The following PCDH17 variants were observed in gnomAD, a reference collection of about 807,000 sequenced individuals.
PCDH17 encodes protocadherin-17.
Under a neutral mutation model 67.7 loss-of-function variants are expected in PCDH17, and 21 were observed. That is an observed-to-expected ratio of 0.31 (90% CI 0.22 to 0.45). The LOEUF (loss-of-function observed/expected upper bound fraction) is 0.45, where lower values mean the gene tolerates loss of function less well. Ranked by LOEUF, PCDH17 falls within the 20% of genes least tolerant of loss-of-function variation. PCDH17 has a pLI of 1.00. For missense variants in PCDH17, 1,471 were observed against 1,564.8 expected (o/e 0.94, Z 1.01); for synonymous variants, 701 against 656.7 (o/e 1.07, Z -1.03).
At chr13:57,722,524 A>C (rs537234322) in intron 3 of PCDH17, among the ~76,000 whole-genome samples, 89 of 152,326 alleles carry the variant, frequency 5.8e-4, no homozygotes, top group Non-Finnish European at 9.1e-4. Context: ...ATATAAATAA[A>C]GGTAATATTT....
intron 3 of PCDH17, among the ~76,000 whole-genome samples, chr13:57,678,392 G>A (rs1450581183): frequency 6.6e-6 from 1 of 151,358 alleles, no homozygotes; most frequent in Admixed American, 6.6e-5. Context: ...CCAGTTAGGA[G>A]GAAATATGGA....
intron 3 of PCDH17, among the ~76,000 whole-genome samples, chr13:57,720,738 T>C (rs1044979704): frequency 6.6e-6 from 1 of 152,052 alleles, no homozygotes; most frequent in African/African-American, 2.4e-5. Flanking sequence ...CTGTATACAA[T>C]ATGAATATGT....
intron 3 of PCDH17, among the ~76,000 whole-genome samples, chr13:57,692,145 A>G (rs1254356088): frequency 6.6e-6 from 1 of 151,164 alleles, no homozygotes; most frequent in East Asian, 1.9e-4. Flanking sequence ...CTGGTATCCA[A>G]ACAGTGATAT....
chr13:57,707,834 ATGTGAC>A (rs1399020603), intron 3 of PCDH17, among the ~76,000 whole-genome samples: 4 of 151,978 alleles, frequency 2.6e-5, no homozygotes, highest in Non-Finnish European at 5.9e-5. Context: ...TGTTCTCCCT[ATGTGAC>A]TGTCTCTGTG....
chr13:57,685,240 A>G (rs1955494685), intron 3 of PCDH17, among the ~76,000 whole-genome samples: 1 of 151,994 alleles, frequency 6.6e-6, no homozygotes, highest in South Asian at 2.1e-4. Context: ...GTAAATTCTT[A>G]TAATTGTCTT....
At chr13:57,713,001 T>C (rs970282934) in intron 3 of PCDH17, among the ~76,000 whole-genome samples, 2 of 151,616 alleles carry the variant, frequency 1.3e-5, no homozygotes, top group Non-Finnish European at 3.0e-5. Flanking sequence ...TACTGCATGA[T>C]GCATGGTAAC....
At chr13:57,674,243 C>G (rs1023629416) in intron 3 of PCDH17, among the ~76,000 whole-genome samples, 1 of 151,932 alleles carries the variant, frequency 6.6e-6, no homozygotes, top group Non-Finnish European at 1.5e-5. Context: ...TTGTATCTTT[C>G]AAGTAAATAT....
intron 1 of PCDH17, among the ~76,000 whole-genome samples, chr13:57,650,118 G>A (rs1301324527): frequency 6.6e-6 from 1 of 151,750 alleles, no homozygotes; most frequent in Non-Finnish European, 1.5e-5. Flanking sequence ...AACTTTTTTA[G>A]TTATGTTATA....
At chr13:57,644,181 G>C (rs1158248428) in intron 1 of PCDH17, among the ~76,000 whole-genome samples, 1 of 151,564 alleles carries the variant, frequency 6.6e-6, no homozygotes, top group Admixed American at 6.6e-5. Flanking sequence ...TAGGAAAGCT[G>C]CTGTTTATCC....
intron 1 of PCDH17, among the ~76,000 whole-genome samples, chr13:57,651,512 A>AT (rs1413440604): frequency 2.0e-5 from 3 of 151,004 alleles, no homozygotes; most frequent in Admixed American, 6.6e-5. Flanking sequence ...TAACTTTTAT[A>AT]TTTTTTTTAG....
intron 3 of PCDH17, among the ~76,000 whole-genome samples, chr13:57,701,915 A>G (rs1197766420): frequency 6.6e-6 from 1 of 152,016 alleles, no homozygotes; most frequent in South Asian, 2.1e-4. Flanking sequence ...AGCAACAACA[A>G]TAACTGTACG....
chr13:57,641,579 AAAAAAAAAAT>A (rs1271935728), intron 1 of PCDH17, among the ~76,000 whole-genome samples: 5 of 77,712 alleles, frequency 6.4e-5, no homozygotes, highest in African/African-American at 1.6e-4. Context: ...AAAAAAAAAA[AAAAAAAAAAT>A]ATATATATAT....
chr13:57,679,819 A>G (rs1593922030), intron 3 of PCDH17, among the ~76,000 whole-genome samples: 1 of 151,588 alleles, frequency 6.6e-6, no homozygotes, highest in African/African-American at 2.4e-5. Context: ...TAATGCATAC[A>G]GAATAACTTC....
At chr13:57,715,670 C>G (rs1179371588) in intron 3 of PCDH17, among the ~76,000 whole-genome samples, 2 of 151,764 alleles carry the variant, frequency 1.3e-5, no homozygotes, top group African/African-American at 4.8e-5. Context: ...AATATGAAAA[C>G]TGTTCTGAGA....
Position 57,632,919 on chromosome 13 carries a change from A to G in PCDH17, c.373A>G (p.Ile125Val). Residue 125 changes from isoleucine to valine, a missense_variant, in exon 1 of 4, where the codon ATC (isoleucine) becomes GTC (valine). By Grantham distance (29) the Ile-to-Val change is conservative. Coordinates refer to ENST00000377918, the MANE Select transcript of PCDH17 (RefSeq NM_001040429.3). ...ICMIKVEIQD[I>V]NDNAPSFSSD... is the part of the protein sequence containing the mutation. ...CATGATCAAGGTAGAGATCCAGGAC[A>G]TCAACGACAACGCGCCCTCCTTCTC... The G allele has an allele frequency of 6.2e-7, 1 of 1,614,124 alleles. No homozygotes were observed.
chr13:57,720,895 T>C (rs544570397), intron 3 of PCDH17, among the ~76,000 whole-genome samples: 3 of 152,092 alleles, frequency 2.0e-5, no homozygotes, highest in Non-Finnish European at 4.4e-5. Flanking sequence ...ATACTTCCCT[T>C]TGAGGCTTGC....
chr13:57,700,863 G>A (rs1207173040), intron 3 of PCDH17, among the ~76,000 whole-genome samples: 2 of 152,032 alleles, frequency 1.3e-5, no homozygotes, highest in Non-Finnish European at 2.9e-5. Context: ...CAATTAACAG[G>A]TAAATAAGAT....
intron 1 of PCDH17, among the ~76,000 whole-genome samples, chr13:57,652,510 A>T (rs1292595599): frequency 6.6e-6 from 1 of 152,172 alleles, no homozygotes; most frequent in Non-Finnish European, 1.5e-5. Flanking sequence ...TAAACTCTAA[A>T]GTAGAAAGAT....
intron 3 of PCDH17, among the ~76,000 whole-genome samples, chr13:57,691,315 A>G (rs1011950217): frequency 3.3e-5 from 5 of 151,388 alleles, no homozygotes; most frequent in Non-Finnish European, 7.4e-5. Flanking sequence ...CATATAATTT[A>G]TTATTCAAAA....
Sources: gnomAD v4.1 joint callset for allele counts (sites outside exome capture counted in the v4.1 genomes callset) on GRCh38, gnomAD v4.1.1 for gene constraint, MANE v1.5 for transcripts, NCBI Gene and HGNC (gene_info 2026-07-23, HGNC 2026-07-21) for gene names.